CDH13: variants seen among roughly 807,000 people sequenced by gnomAD.
CDH13 encodes the protein cadherin-13.
A neutral mutation model predicts 63.8 loss-of-function variants in CDH13; 24 were observed. The observed-to-expected ratio is 0.38, with a 90% CI of 0.27 to 0.53. The LOEUF is 0.53. CDH13 is among the 20% of genes least tolerant of loss of function. The pLI is 0.85. For missense variants in CDH13, 1,049 were observed against 903.1 expected (o/e 1.16, Z -2.07); for synonymous variants, 503 against 355.3 (o/e 1.42, Z -4.67).
At chr16:83,250,254 T>A (rs1390000871) in intron 5 of CDH13, among the ~76,000 whole-genome samples, 1 of 152,108 alleles carries the variant, frequency 6.6e-6, no homozygotes, top group East Asian at 1.9e-4. Flanking sequence ...AAAAAGTCAT[T>A]TTTCCTCCTT....
intron 5 of CDH13, among the ~76,000 whole-genome samples, chr16:83,238,046 G>C (rs1228614333): frequency 6.6e-6 from 1 of 152,126 alleles, no homozygotes; most frequent in Non-Finnish European, 1.5e-5. Context: ...GGTTTCCCTT[G>C]GAATCCTGGT....
chr16:82,658,689 C>T (rs552189716), intron 1 of CDH13, among the ~76,000 whole-genome samples: 30 of 152,310 alleles, frequency 2.0e-4, no homozygotes, highest in African/African-American at 5.5e-4. Context: ...GAACTTAGCA[C>T]CCCACTCAGC....
intron 1 of CDH13, among the ~76,000 whole-genome samples, chr16:82,661,086 C>T (rs1354282681): frequency 6.6e-6 from 1 of 152,168 alleles, no homozygotes; most frequent in Non-Finnish European, 1.5e-5. Context: ...GTGATGGTGG[C>T]CCAGGGGCCG....
chr16:83,040,107 G>T (rs1917207589), intron 3 of CDH13, among the ~76,000 whole-genome samples: 3 of 151,682 alleles, frequency 2.0e-5, no homozygotes, highest in African/African-American at 7.3e-5. Context: ...AGATCACTCT[G>T]GGGCCAGACC....
intron 1 of CDH13, among the ~76,000 whole-genome samples, chr16:82,837,872 G>A (rs142766356): frequency 6.6e-6 from 1 of 152,352 alleles, no homozygotes; most frequent in East Asian, 1.9e-4. Context: ...TTATGGGCAT[G>A]GGAATACTCT....
intron 4 of CDH13, among the ~76,000 whole-genome samples, chr16:83,144,936 G>A (rs151215433): frequency 1.3e-3 from 201 of 152,320 alleles, no homozygotes; most frequent in Middle Eastern, 3.4e-3. Flanking sequence ...GGAGCCCTCT[G>A]GAGAACAGCA....
intron 2 of CDH13, among the ~76,000 whole-genome samples, chr16:82,944,545 C>T (rs1449417279): frequency 2.0e-5 from 3 of 151,932 alleles, no homozygotes; most frequent in Non-Finnish European, 4.4e-5. Context: ...ACAGTGTGGA[C>T]CAGGAGTGGG....
chr16:82,906,999 G>A (rs1345625776), intron 2 of CDH13, among the ~76,000 whole-genome samples: 1 of 152,152 alleles, frequency 6.6e-6, no homozygotes, highest in Admixed American at 6.5e-5. Flanking sequence ...GCATTCTGAG[G>A]TTCTGGATGA....
intron 1 of CDH13, among the ~76,000 whole-genome samples, chr16:82,638,858 G>A (rs1909031801): frequency 6.6e-6 from 1 of 152,224 alleles, no homozygotes; most frequent in Non-Finnish European, 1.5e-5. Flanking sequence ...ACGCACCAGT[G>A]CCATGAGTAC....
chr16:82,933,879 G>A (rs957868252), intron 2 of CDH13, among the ~76,000 whole-genome samples: 3 of 152,356 alleles, frequency 2.0e-5, no homozygotes, highest in Non-Finnish European at 2.9e-5. Flanking sequence ...GATGCAGGAA[G>A]TGTGTTCCCA....
At chr16:82,989,967 C>T (rs1911453323) in intron 2 of CDH13, among the ~76,000 whole-genome samples, 2 of 152,044 alleles carry the variant, frequency 1.3e-5, no homozygotes, top group Admixed American at 1.3e-4. Context: ...CAGCTCCCCT[C>T]AATAGCCATT....
At chr16:83,355,208 GAGAGA>G (rs2091029509) in intron 6 of CDH13, among the ~76,000 whole-genome samples, 1 of 152,200 alleles carries the variant, frequency 6.6e-6, no homozygotes, top group African/African-American at 2.4e-5. Context: ...TACGGAGATG[GAGAGA>G]AGAGATCACA....
chr16:83,082,236 C>G (rs928972758), intron 3 of CDH13, among the ~76,000 whole-genome samples: 2 of 152,226 alleles, frequency 1.3e-5, no homozygotes, highest in Non-Finnish European at 2.9e-5. Context: ...ACATTTATGT[C>G]TTTCTCACAT....
chr16:83,111,856 T>C (rs897030725), intron 3 of CDH13, among the ~76,000 whole-genome samples: 2 of 152,214 alleles, frequency 1.3e-5, no homozygotes, highest in Admixed American at 6.5e-5. Context: ...AAAAATAAAC[T>C]ATATGAACTT....
chr16:83,648,630 A>T (rs558530262), intron 8 of CDH13, among the ~76,000 whole-genome samples: 1 of 151,820 alleles, frequency 6.6e-6, no homozygotes, highest in African/African-American at 2.4e-5. Context: ...ACTGACACCG[A>T]CCCCCTGGGA....
intron 4 of CDH13, among the ~76,000 whole-genome samples, chr16:83,140,379 C>T (rs959443396): frequency 6.6e-6 from 1 of 152,228 alleles, no homozygotes; most frequent in African/African-American, 2.4e-5. Flanking sequence ...CACTGAGTTT[C>T]AGGGCTTCTA....
intron 5 of CDH13, among the ~76,000 whole-genome samples, chr16:83,287,387 G>T (rs1263237338): frequency 1.3e-4 from 20 of 152,194 alleles, no homozygotes; most frequent in Non-Finnish European, 2.4e-4. Context: ...GTAAGTAGCA[G>T]GCAAGCAAGC....
At chr16:83,055,594 AT>A (rs2030842865) in intron 3 of CDH13, among the ~76,000 whole-genome samples, 1 of 152,062 alleles carries the variant, frequency 6.6e-6, no homozygotes. Flanking sequence ...TAAGTTCTAC[AT>A]TTATTAAATG....
intron 5 of CDH13, among the ~76,000 whole-genome samples, chr16:83,280,313 C>G (rs547190920): frequency 3.9e-5 from 6 of 152,152 alleles, no homozygotes; most frequent in African/African-American, 1.4e-4. Flanking sequence ...AGTAGCTTTA[C>G]CAGGAGTAGG....
Sources: gnomAD v4.1 joint callset for allele counts (sites outside exome capture counted in the v4.1 genomes callset) on GRCh38, gnomAD v4.1.1 for gene constraint, MANE v1.5 for transcripts, NCBI Gene and HGNC (gene_info 2026-07-23, HGNC 2026-07-21) for gene names.